Variants in MSRA observed in about 807,000 individuals in gnomAD.
MSRA encodes the protein mitochondrial peptide methionine sulfoxide reductase.
MSRA carries 54 observed loss-of-function variants against 31.3 expected under a neutral mutation model. The observed-to-expected ratio is 1.73, with a 90% CI of 1.39 to 2.17. The LOEUF is 2.17. MSRA is among the 30% of genes most tolerant of loss of function. The probability of loss-of-function intolerance (pLI) is 0.00; values close to 1 mark genes in which losing one functional copy is unlikely to be tolerated. For missense variants in MSRA, 507 were observed against 300.9 expected (o/e 1.69, Z -5.07); for synonymous variants, 169 against 116.5 (o/e 1.45, Z -2.90).
At chr8:10,094,173 A>C (rs1192112823) in intron 1 of MSRA, among the ~76,000 whole-genome samples, 1 of 152,194 alleles carries the variant, frequency 6.6e-6, no homozygotes, top group East Asian at 1.9e-4. Flanking sequence ...AACACTTGTG[A>C]TATCTCTGTA....
chr8:10,100,655 C>G (rs749167357), intron 1 of MSRA, among the ~76,000 whole-genome samples: 12 of 152,094 alleles, frequency 7.9e-5, no homozygotes, highest in Non-Finnish European at 1.8e-4. Context: ...TATTCTGAAA[C>G]TCATCAGATT....
chr8:10,334,168 G>A (rs1802880259), intron 5 of MSRA, among the ~76,000 whole-genome samples: 1 of 108,800 alleles, frequency 9.2e-6, no homozygotes, highest in African/African-American at 3.1e-5. Flanking sequence ...ATATAGGGGT[G>A]TGTGTGTGTG....
At chr8:10,059,382 A>G (rs472514) in intron 1 of MSRA, among the ~76,000 whole-genome samples, 16,723 of 152,276 alleles carry the variant, frequency 0.11, 1,028 homozygotes, top group African/African-American at 0.15. Flanking sequence ...ACTGAGGCCC[A>G]TAGATGTTAG....
At chr8:10,207,939 G>A (rs1809145195) in intron 2 of MSRA, 38 bp downstream of exon 2, 2 of 1,545,348 alleles carry the variant, frequency 1.3e-6, no homozygotes, top group South Asian at 1.2e-5. Flanking sequence ...CAAATTGTGT[G>A]CAAAGACTAG....
rs201967014 is a variant in MSRA, at chr8:10,190,476, C to T, written c.143-17357C>T. 4.6e-5 allele frequency among the ~76,000 whole-genome samples: 7 copies of T among 152,322 alleles called. No homozygotes were observed. In the East Asian group the frequency reaches 1.4e-3, roughly 29 times the overall value. On this transcript the variant is annotated intron_variant, in intron 1 of 5. Coordinates refer to ENST00000317173, the MANE Select transcript of MSRA (RefSeq NM_012331.5). ...ATCTGCAATCCAGAGGGTGATGTTG[C>T]CTGTCTGGTGTCTCCAGATCAGCTC...
intron 1 of MSRA, among the ~76,000 whole-genome samples, chr8:10,129,060 C>A (rs762000827): frequency 2.0e-5 from 3 of 152,172 alleles, no homozygotes; most frequent in Non-Finnish European, 2.9e-5. Flanking sequence ...CTCAACTCTT[C>A]GCAGTTCTAT....
At chr8:10,178,139 G>A (rs948988813) in intron 1 of MSRA, among the ~76,000 whole-genome samples, 1 of 152,174 alleles carries the variant, frequency 6.6e-6, no homozygotes, top group African/African-American at 2.4e-5. Context: ...TTTGTAAAGA[G>A]GCTGCCTAAT....
chr8:10,058,394 A>T (rs1160248609), intron 1 of MSRA, among the ~76,000 whole-genome samples: 1 of 152,234 alleles, frequency 6.6e-6, no homozygotes, highest in East Asian at 1.9e-4. Context: ...GAGACTACTG[A>T]ACTCTTTTAA....
intron 3 of MSRA, among the ~76,000 whole-genome samples, chr8:10,299,279 A>G (rs949379042): frequency 3.3e-5 from 5 of 152,132 alleles, no homozygotes; most frequent in Non-Finnish European, 5.9e-5. Context: ...TTTCATGCCA[A>G]ATATGTCTGT....
chr8:10,280,660 A>T (rs983611859), intron 3 of MSRA, among the ~76,000 whole-genome samples: 8 of 152,096 alleles, frequency 5.3e-5, no homozygotes, highest in African/African-American at 1.9e-4. Flanking sequence ...CAGCAATTCT[A>T]CTCTTAGGTA....
At chr8:10,066,682 C>G (rs574923728) in intron 1 of MSRA, among the ~76,000 whole-genome samples, 1 of 152,052 alleles carries the variant, frequency 6.6e-6, no homozygotes, top group South Asian at 2.1e-4. Flanking sequence ...TACAGGCATC[C>G]GTCACCAGAC....
intron 3 of MSRA, among the ~76,000 whole-genome samples, chr8:10,281,924 A>G (rs1354831884): frequency 6.6e-6 from 1 of 152,188 alleles, no homozygotes; most frequent in Non-Finnish European, 1.5e-5. Flanking sequence ...ATAAAGGGAC[A>G]AAGAAATACG....
rs573879269 is a variant in MSRA, at chr8:10,423,935, A to G, written c.544-4213A>G. Among the ~76,000 whole-genome samples, 19 of 151,566 alleles carry G rather than the reference A, an allele frequency of 1.3e-4. No individual in the cohort carries two copies. The East Asian group carries it at 3.5e-3, about 28-fold the overall frequency. ...CATTCATTCATTCATTCATTCATTA[A>G]TTGCACACAGTGCACAAAGCCCCGA... On this transcript the variant is annotated intron_variant, in intron 5 of 5. Transcript: ENST00000317173.
chr8:10,385,027 A>G (rs1221800682), intron 5 of MSRA, among the ~76,000 whole-genome samples: 1 of 152,136 alleles, frequency 6.6e-6, no homozygotes, highest in East Asian at 1.9e-4. Flanking sequence ...AAATAAAATG[A>G]TTCAGGGGAG....
At chr8:10,389,845 T>C (rs1042298753) in intron 5 of MSRA, among the ~76,000 whole-genome samples, 2 of 150,470 alleles carry the variant, frequency 1.3e-5, no homozygotes, top group East Asian at 3.9e-4. Context: ...GGTCCCATTG[T>C]ATACAACCAC....
At chr8:10,385,269 A>G (rs913732060) in intron 5 of MSRA, among the ~76,000 whole-genome samples, 2 of 152,210 alleles carry the variant, frequency 1.3e-5, no homozygotes, top group Non-Finnish European at 2.9e-5. Context: ...GGGGAACTCA[A>G]TTCGATACTG....
chr8:10,356,940 C>T (rs976081651), intron 5 of MSRA, among the ~76,000 whole-genome samples: 1 of 148,374 alleles, frequency 6.7e-6, no homozygotes, highest in African/African-American at 2.5e-5. Flanking sequence ...TCCTTTAAAA[C>T]ACGCAGCTTG....
At chr8:10,393,126 A>G in intron 5 of MSRA, among the ~76,000 whole-genome samples, 1 of 151,896 alleles carries the variant, frequency 6.6e-6, no homozygotes, top group East Asian at 1.9e-4. Flanking sequence ...CGAGAAAAGA[A>G]CCACTTTGTC....
chr8:10,071,466 T>C (rs1464837651), intron 1 of MSRA, among the ~76,000 whole-genome samples: 1 of 150,962 alleles, frequency 6.6e-6, no homozygotes, highest in Non-Finnish European at 1.5e-5. Context: ...TTCTTTTTTT[T>C]TTTTTTTTCT....
Sources: allele counts gnomAD v4.1 joint callset (sites outside exome capture counted in the v4.1 genomes callset), GRCh38; gene constraint gnomAD v4.1.1; transcripts MANE v1.5; gene names NCBI Gene and HGNC (gene_info 2026-07-23, HGNC 2026-07-21).